Variants in RBKS observed in about 807,000 individuals in gnomAD.
The protein encoded by RBKS is ribokinase.
RBKS carries 33 observed loss-of-function variants against 33.9 expected under a neutral mutation model. The observed-to-expected ratio is 0.97, with a 90% CI of 0.74 to 1.30. The LOEUF (loss-of-function observed/expected upper bound fraction) is 1.30. Among genes scored for constraint, RBKS ranks in the 50% most tolerant of loss-of-function variants. The pLI, the probability that RBKS is intolerant of heterozygous loss-of-function variation, is 0.00. For synonymous variants in RBKS, 125 were observed against 143.0 expected, an observed-to-expected ratio of 0.87 and a Z score of 0.90; for missense variants, 361 against 392.6, an observed-to-expected ratio of 0.92 and a Z score of 0.68.
chr2:27,867,145 G>A (rs1252445800), intron 1 of RBKS, among the ~76,000 whole-genome samples: 6 of 150,490 alleles, frequency 4.0e-5, no homozygotes, highest in African/African-American at 9.8e-5. Flanking sequence ...CACCATCCCT[G>A]TTTTTCTGTG....
At chr2:27,789,137 ACTTGATAGAAG>A (rs1677461131) in intron 7 of RBKS, among the ~76,000 whole-genome samples, 1 of 152,202 alleles carries the variant, frequency 6.6e-6, no homozygotes, top group South Asian at 2.1e-4. Flanking sequence ...TCACTTGATA[ACTTGATAGAAG>A]AGTCCAGATA....
intron 1 of RBKS, among the ~76,000 whole-genome samples, chr2:27,888,040 A>T (rs1238804597): frequency 1.3e-5 from 2 of 152,166 alleles, no homozygotes; most frequent in South Asian, 2.1e-4. Context: ...GCTTCACAGA[A>T]AGCTCTCAGT....
chr2:27,861,720 C>T (rs139452331), intron 1 of RBKS, among the ~76,000 whole-genome samples: 2 of 148,874 alleles, frequency 1.3e-5, no homozygotes, highest in African/African-American at 5.0e-5. Context: ...GGTGTTATCT[C>T]GGCTCACTGT....
At chr2:27,836,743 A>G (rs551973060) in intron 5 of RBKS, among the ~76,000 whole-genome samples, 63 of 152,330 alleles carry the variant, frequency 4.1e-4, no homozygotes, top group African/African-American at 1.0e-3. Context: ...TTTGCAAACT[A>G]TGCATCTGAC....
chr2:27,789,958 T>TATATATAC (rs1210586747), intron 7 of RBKS, among the ~76,000 whole-genome samples: 3 of 137,858 alleles, frequency 2.2e-5, no homozygotes, highest in Non-Finnish European at 4.6e-5. Context: ...TGTATATATA[T>TATATATAC]ATATATATAT....
chr2:27,874,243 T>C (rs868500905), intron 1 of RBKS, among the ~76,000 whole-genome samples: 6 of 152,202 alleles, frequency 3.9e-5, no homozygotes, highest in Non-Finnish European at 4.4e-5. Flanking sequence ...TGGAAGAAAT[T>C]GGAATAATCT....
intron 4 of RBKS, among the ~76,000 whole-genome samples, chr2:27,844,702 AAATTTTTG>A (rs1224969956): frequency 1.5e-4 from 23 of 152,130 alleles, no homozygotes; most frequent in Admixed American, 8.5e-4. Context: ...CAGCCAAGAT[AAATTTTTG>A]ATTACACACT....
intron 1 of RBKS, among the ~76,000 whole-genome samples, chr2:27,887,414 GTTAA>G (rs1439915359): frequency 2.0e-5 from 3 of 152,136 alleles, no homozygotes; most frequent in South Asian, 4.1e-4. Context: ...ATAAACTTGC[GTTAA>G]TTATTAAATT....
At chr2:27,879,044 T>C (rs1210409515) in intron 1 of RBKS, among the ~76,000 whole-genome samples, 1 of 152,234 alleles carries the variant, frequency 6.6e-6, no homozygotes, top group African/African-American at 2.4e-5. Context: ...GCAAGCCATA[T>C]GTGCCTCAGC....
chr2:27,805,673 C>T (rs994253931), intron 7 of RBKS, among the ~76,000 whole-genome samples: 4 of 151,980 alleles, frequency 2.6e-5, no homozygotes, highest in Non-Finnish European at 5.9e-5. Context: ...CTTCCGGGTT[C>T]AAGCGATTCT....
chr2:27,822,636 T>C (rs568484102), intron 7 of RBKS, among the ~76,000 whole-genome samples: 11 of 152,318 alleles, frequency 7.2e-5, no homozygotes, highest in East Asian at 3.9e-4. Context: ...AATCCTAATT[T>C]AGAGTTAACT....
chr2:27,846,263 C>T (rs1663617518), intron 4 of RBKS, among the ~76,000 whole-genome samples: 2 of 152,232 alleles, frequency 1.3e-5, no homozygotes, highest in Admixed American at 6.5e-5. Context: ...CCACTACGCT[C>T]AGCCTCTGTT....
At chr2:27,850,731 G>A (rs1003803213) in intron 2 of RBKS, among the ~76,000 whole-genome samples, 1 of 152,148 alleles carries the variant, frequency 6.6e-6, no homozygotes, top group Non-Finnish European at 1.5e-5. Flanking sequence ...TCTACTAAAG[G>A]ATGTCTTCCA....
At chr2:27,808,080 T>C (rs1677926110) in intron 7 of RBKS, among the ~76,000 whole-genome samples, 1 of 152,228 alleles carries the variant, frequency 6.6e-6, no homozygotes, top group African/African-American at 2.4e-5. Context: ...CTATCTGGAA[T>C]GAGGTTTATG....
At chr2:27,801,647 C>G (rs1677786406) in intron 7 of RBKS, among the ~76,000 whole-genome samples, 3 of 151,948 alleles carry the variant, frequency 2.0e-5, no homozygotes, top group Admixed American at 2.0e-4. Context: ...AAAGAAATAC[C>G]TGAGGCTGGC....
chr2:27,790,511 G>A (rs1371879725), intron 7 of RBKS, among the ~76,000 whole-genome samples: 1 of 151,922 alleles, frequency 6.6e-6, no homozygotes, highest in East Asian at 1.9e-4. Flanking sequence ...CATGGACTGG[G>A]ATAAAATATT....
At chr2:27,889,372 A>G (rs1313188774) in intron 1 of RBKS, among the ~76,000 whole-genome samples, 8 of 152,214 alleles carry the variant, frequency 5.3e-5, no homozygotes, top group Admixed American at 4.6e-4. Context: ...ATACCTGATC[A>G]TTTTTATAAC....
At chr2:27,804,514 T>C (rs1466874827) in intron 7 of RBKS, among the ~76,000 whole-genome samples, 1 of 152,224 alleles carries the variant, frequency 6.6e-6, no homozygotes, top group Non-Finnish European at 1.5e-5. Flanking sequence ...TCCATAATTA[T>C]CCAATAATGT....
In RBKS at chr2:27,821,545, T is replaced by G. The variant is rs528646703; in HGVS notation, c.795+6022A>C. ...CAATTACTTTTAAGTGGATGGGTCA[T>G]GGATACTTGACTTTCTTCTTTATAC... On this transcript the variant is annotated intron_variant, in intron 7 of 7. Coordinates refer to ENST00000302188, the MANE Select transcript of RBKS (RefSeq NM_022128.3). 2.6e-5 allele frequency among the ~76,000 whole-genome samples: 4 copies of G among 152,358 alleles called. No homozygotes were observed. The South Asian group carries it at 8.3e-4, about 32-fold the overall frequency.
Sources: allele counts gnomAD v4.1 joint callset (sites outside exome capture counted in the v4.1 genomes callset), GRCh38; gene constraint gnomAD v4.1.1; transcripts MANE v1.5; gene names NCBI Gene and HGNC (gene_info 2026-07-23, HGNC 2026-07-21).